The following SMARCA4 variants were observed in gnomAD, a reference collection of about 807,000 sequenced individuals.
The protein encoded by SMARCA4 is SWI/SNF related BAF chromatin remodeling complex subunit ATPase 4, also known as SWI/SNF-related matrix-associated actin-dependent regulator of chromatin subfamily A member 4.
Under a neutral mutation model 193.9 loss-of-function variants are expected in SMARCA4, and 31 were observed. The observed-to-expected ratio is 0.16, with a 90% CI of 0.12 to 0.22. SMARCA4 has a LOEUF of 0.22. SMARCA4 is among the 10% of genes least tolerant of loss of function. The pLI, the probability that SMARCA4 is intolerant of heterozygous loss-of-function variation, is 1.00. For synonymous variants in SMARCA4, 942 were observed against 933.1 expected (o/e 1.01, Z -0.17); for missense variants, 1,148 against 2,296.0 (o/e 0.50, Z 10.22).
In SMARCA4 at chr19:11,010,429, T is replaced by C. The variant is rs2146235304; in HGVS notation, c.2172T>C (p.Leu724=). ...ATGAATATGGCGTGTCCCAGGCCCT[T>C]GCACGTGGCCTGCAGTCCTACTATG... The part of the protein sequence containing the change: ...VDDEYGVSQA[L]ARGLQSYYAV... The change falls in exon 15 of 35, where the codon CTT becomes CTC. Residue 724 remains leucine, a synonymous_variant. Transcript: ENST00000344626. The C allele has an allele frequency of 6.2e-7, 1 of 1,614,078 alleles. No homozygotes were observed. The highest frequency in any genetic ancestry group is 8.5e-7 in the Non-Finnish European group (1 of 1,179,932).
At chr19:10,978,746 A>G (rs1001997833) in intron 1 of SMARCA4, among the ~76,000 whole-genome samples, 6 of 151,660 alleles carry the variant, frequency 4.0e-5, no homozygotes, top group African/African-American at 1.5e-4. Context: ...CCTGGCCAAC[A>G]TGGCGAAACC....
chr19:11,007,559 C>T (rs1389838927), intron 13 of SMARCA4, among the ~76,000 whole-genome samples: 2 of 151,272 alleles, frequency 1.3e-5, no homozygotes, highest in African/African-American at 4.9e-5. Flanking sequence ...GGGAATGTCA[C>T]GAGACTACAT....
chr19:11,051,772 A>G (rs984148090), intron 30 of SMARCA4, among the ~76,000 whole-genome samples: 5 of 150,390 alleles, frequency 3.3e-5, no homozygotes, highest in Non-Finnish European at 7.4e-5. Context: ...TACAGGAGTG[A>G]GCCACCATGT....
At chr19:11,032,210 A>G (rs1449437033) in intron 25 of SMARCA4, 1 of 152,306 alleles carries the variant, frequency 6.6e-6, no homozygotes, top group African/African-American at 2.4e-5. Context: ...AGCGGCAGAC[A>G]CAAGGCACTC....
intron 30 of SMARCA4, among the ~76,000 whole-genome samples, chr19:11,055,468 G>A (rs1011765586): frequency 1.3e-5 from 2 of 151,808 alleles, no homozygotes; most frequent in African/African-American, 2.4e-5. Context: ...GGTTACAGGC[G>A]TGAGCCACTG....
Position 10,986,063 on chromosome 19 carries a change from G to A in SMARCA4, c.356-126G>A, listed in dbSNP as rs2085999124. ...ATGTGCCCTCCAGGTGCCCCTGGTT[G>A]ACTCAAGAGAAGGATGCCATTTGGC... is the stretch of plus-strand genomic sequence containing the variant. On this transcript the variant is annotated intron_variant, in intron 3 of 34. Coordinates refer to ENST00000344626, the MANE Select transcript of SMARCA4 (RefSeq NM_003072.5). The surrounding 1 kb of genome is among the most constrained non-coding windows in gnomAD (Gnocchi z 6.7). 8.5e-6 allele frequency: 7 copies of A among 828,136 alleles called. No homozygotes were observed. In the Admixed American group the frequency reaches 1.0e-4, roughly 12 times the overall value. The allele number at this position is 828,136 out of a possible 1,614,324, so 51.3% of individuals were successfully genotyped here.
chr19:11,047,900 A>T (rs956954394), intron 30 of SMARCA4: 2 of 152,144 alleles, frequency 1.3e-5, no homozygotes, highest in African/African-American at 4.8e-5. Flanking sequence ...CTCAGAGATC[A>T]CCTCCCAGGA....
chr19:11,032,031 G>T (rs2074962326), intron 25 of SMARCA4: 1 of 152,258 alleles, frequency 6.6e-6, no homozygotes, highest in African/African-American at 2.4e-5. Flanking sequence ...ATCAGGCTGG[G>T]GTGTAGCTTC....
chr19:11,028,371 C>T (rs1600340660), intron 24 of SMARCA4, among the ~76,000 whole-genome samples: 1 of 152,238 alleles, frequency 6.6e-6, no homozygotes, highest in African/African-American at 2.4e-5. Flanking sequence ...TTCTCCAGCT[C>T]TTTGCTCTGC....
chr19:10,996,977 C>T (rs1476865576), intron 11 of SMARCA4, among the ~76,000 whole-genome samples: 1 of 151,726 alleles, frequency 6.6e-6, no homozygotes, highest in Non-Finnish European at 1.5e-5. Context: ...TGATCCTACC[C>T]TTCGAGTAGC....
rs570503897 is a variant in SMARCA4 at position 11,041,206 on chromosome 19, G to A, written c.4171-101G>A. The A allele has an allele frequency of 1.4e-4, 181 of 1,284,864 alleles. 2 individuals are homozygous for A. Among genetic ancestry groups the A allele is most frequent in the Admixed American group, 4.4e-4 (22 of 50,126 alleles). 79.6% of individuals were successfully genotyped at this position (1,284,864 alleles called of 1,614,324 possible). A position where few individuals can be genotyped will look rare whatever the true frequency, so the allele number is the denominator to read the frequency against. ...AGCTGAAGGGAGAGCGGGTGCGGGG[G>A]CCCTCCTCCGTGTCCCAGCCCGGCC... On this transcript the variant is annotated intron_variant, in intron 29 of 34. Coordinates refer to ENST00000344626, the MANE Select transcript of SMARCA4 (RefSeq NM_003072.5). The surrounding 1 kb of genome is among the most constrained non-coding windows in gnomAD (Gnocchi z 5.6).
At chr19:10,963,384 A>G (rs927506054) in intron 1 of SMARCA4, among the ~76,000 whole-genome samples, 6 of 151,226 alleles carry the variant, frequency 4.0e-5, no homozygotes, top group East Asian at 1.9e-4. Flanking sequence ...AAAAAAAAAA[A>G]AAAAAAAGAA....
rs778158927 is a variant in SMARCA4, at chr19:10,987,826, G to A, written c.1020G>A (p.Ala340=). ...CCCCCGGGCAGCCGGCCCAGCCCGCGCCCATGGTGCCACTGCACCAGAAGC... is the reference window on the plus strand; with the variant it reads ...CCCCCGGGCAGCCGGCCCAGCCCGCACCCATGGTGCCACTGCACCAGAAGC... The part of the protein sequence containing the change: ...TQSPGQPAQP[A]PMVPLHQKQS... Residue 340 remains alanine (A), a synonymous_variant, in exon 6 of 35, where the codon GCG becomes GCA. Coordinates refer to ENST00000344626, the MANE Select transcript of SMARCA4 (RefSeq NM_003072.5). This position sits in a 1 kb window ranked among gnomAD's most constrained non-coding sequence, Gnocchi z 5.3. The A allele has an allele frequency of 2.5e-6, 4 of 1,608,562 alleles. No homozygotes were observed. The highest frequency in any genetic ancestry group is 1.7e-5 in the Admixed American group (1 of 59,506).
rs1170516474 is a variant in SMARCA4, at chr19:11,025,524, C to T, written c.3168+16C>T. ...GCACATCGAGGTGAGCCCGCCGCGG[C>T]TGGGACGGCTCAGGCCCTGCTGTCT... On this transcript the variant is annotated intron_variant, in intron 22 of 34. Coordinates refer to ENST00000344626, the MANE Select transcript of SMARCA4 (RefSeq NM_003072.5). 7 of 1,604,484 alleles carry T rather than the reference C, an allele frequency of 4.4e-6. No individual in the cohort carries two copies. The highest frequency in any genetic ancestry group is 5.1e-6 in the Non-Finnish European group (6 of 1,172,758).
At chr19:10,993,315 A>C (rs778028157) in intron 8 of SMARCA4, among the ~76,000 whole-genome samples, 2 of 152,178 alleles carry the variant, frequency 1.3e-5, no homozygotes, top group South Asian at 4.1e-4. Flanking sequence ...TATCATGGAA[A>C]CATGACTTTT....
At chr19:10,977,097 G>T (rs2085195703) in intron 1 of SMARCA4, among the ~76,000 whole-genome samples, 1 of 152,072 alleles carries the variant, frequency 6.6e-6, no homozygotes, top group Non-Finnish European at 1.5e-5. Context: ...AAAATTCTTG[G>T]CAGCCGGCCA....
At position 11,039,535 on chromosome 19, in the gene SMARCA4, C is replaced by G; in HGVS notation, c.4171-1772C>G. On this transcript the variant is annotated intron_variant, in intron 29 of 34. Coordinates refer to ENST00000344626, the MANE Select transcript of SMARCA4 (RefSeq NM_003072.5). ...TACAATTCCAGCGTGGCCTTCAGTTCTGCACACGTGCGTCAAAGGTGGGGA... is the reference window on the plus strand; with the variant it reads ...TACAATTCCAGCGTGGCCTTCAGTTGTGCACACGTGCGTCAAAGGTGGGGA... The G allele has an allele frequency of 2.5e-6, 4 of 1,601,408 alleles. No individual in the cohort carries two copies. Among genetic ancestry groups the G allele is most frequent in the South Asian group, 2.3e-5 (2 of 88,472 alleles).
At chr19:11,014,427 C>T (rs2089161213) in intron 16 of SMARCA4, among the ~76,000 whole-genome samples, 1 of 152,270 alleles carries the variant, frequency 6.6e-6, no homozygotes, top group South Asian at 2.1e-4. Flanking sequence ...GTAGAACAGA[C>T]TGCTCTGAAG....
rs2146695409 is a variant in SMARCA4 at position 11,034,906 on chromosome 19, C to CCCA, written c.3952-4_3952-2dup. The stretch of plus-strand genomic sequence containing the variant: ...TGATGCCTCTCCCGTTGCCTCCCTG[C>CCCA]CCACCAGCGCATGGACCTGGACCGC... On this transcript the variant is annotated splice_region_variant and splice_polypyrimidine_tract_variant and intron_variant, in intron 28 of 34. Transcript: ENST00000344626. The surrounding 1 kb of genome is among the most constrained non-coding windows in gnomAD (Gnocchi z 7.0). 6.4e-7 allele frequency: 1 copy of CCCA among 1,551,888 alleles called. No homozygotes were observed. The highest frequency in any genetic ancestry group is 8.7e-7 in the Non-Finnish European group (1 of 1,147,940).
Sources: gnomAD v4.1 joint callset for allele counts (sites outside exome capture counted in the v4.1 genomes callset) on GRCh38, gnomAD v4.1.1 for gene constraint, Gnocchi (gnomAD v3.1) non-coding constraint, MANE v1.5 for transcripts, NCBI Gene and HGNC (gene_info 2026-07-23, HGNC 2026-07-21) for gene names.